Variants in ATXN7 observed in about 807,000 individuals in gnomAD.
ATXN7 encodes ataxin 7, also known as ataxin-7.
In ATXN7, 12 loss-of-function variants were observed where a neutral mutation model predicts 70.5. The ratio of observed to expected loss-of-function variants is 0.17; its 90% CI spans 0.11 to 0.28. ATXN7 has a LOEUF of 0.28. Among genes scored for constraint, ATXN7 ranks in the 10% least tolerant of loss-of-function variants. ATXN7 has a pLI of 1.00. For missense variants in ATXN7, 1,256 were observed against 1,131.7 expected (o/e 1.11, Z -1.58); for synonymous variants, 498 against 448.7 (o/e 1.11, Z -1.39).
At chr3:63,936,025 A>G (rs1474701336) in intron 4 of ATXN7, among the ~76,000 whole-genome samples, 4 of 152,244 alleles carry the variant, frequency 2.6e-5, no homozygotes, top group Non-Finnish European at 5.9e-5. Context: ...GTTTTGAAAT[A>G]TGCTTGGAGT....
At chr3:63,952,835 CTTTTTTTTTTTTTT>C (rs59256288) in intron 5 of ATXN7, among the ~76,000 whole-genome samples, 41 of 49,154 alleles carry the variant, frequency 8.3e-4, no homozygotes, top group Middle Eastern at 0.014. Context: ...ATGCATGGGC[CTTTTTTTTTTTTTT>C]TTTTTTTTTT....
intron 4 of ATXN7, among the ~76,000 whole-genome samples, chr3:63,918,939 G>C (rs539434949): frequency 6.6e-6 from 1 of 152,082 alleles, no homozygotes; most frequent in African/African-American, 2.4e-5. Context: ...CAGCGTGGCC[G>C]TGACAGTGGG....
At chr3:63,921,858 T>C (rs1332570491) in intron 4 of ATXN7, among the ~76,000 whole-genome samples, 1 of 152,140 alleles carries the variant, frequency 6.6e-6, no homozygotes, top group Non-Finnish European at 1.5e-5. Context: ...TTATCAGTAA[T>C]GAAAGCACAG....
intron 9 of ATXN7, 56 bp from the exon 10 acceptor site, chr3:63,990,120 G>C (rs1186333421): frequency 1.9e-6 from 3 of 1,552,392 alleles, no homozygotes; most frequent in Non-Finnish European, 2.7e-6. Flanking sequence ...TCTCAGTTAA[G>C]GTGGCTGATT....
chr3:63,957,129 T>A (rs1169645454), intron 5 of ATXN7, among the ~76,000 whole-genome samples: 1 of 152,224 alleles, frequency 6.6e-6, no homozygotes, highest in Non-Finnish European at 1.5e-5. Context: ...AATTCCTATT[T>A]TGTGCTCTGC....
At position 63,995,985 on chromosome 3, in the gene ATXN7, T is replaced by TTCCTCCTCCTCC. The variant is rs750825743; in HGVS notation, c.2166_2177dup (p.Ser725_Ser728dup). The stretch of plus-strand genomic sequence containing the variant: ...TGTTGGTTCACTCTTCCTCCTCCTC[T>TTCCTCCTCCTCC]TCCTCCTCCTCCTCTTCTTCTCATT... On this transcript the variant is annotated inframe_insertion, in exon 12 of 13. Transcript: ENST00000674280. 8.1e-6 allele frequency: 13 copies of TTCCTCCTCCTCC among 1,613,840 alleles called. No individual in the cohort carries two copies. The highest frequency in any genetic ancestry group is 1.6e-4 in the Middle Eastern group (1 of 6,082).
chr3:63,895,973 C>G (rs1267755876), intron 1 of ATXN7, among the ~76,000 whole-genome samples: 1 of 152,164 alleles, frequency 6.6e-6, no homozygotes, highest in Non-Finnish European at 1.5e-5. Context: ...CTCCACCAAA[C>G]TAGACCCTCT....
chr3:63,888,198 A>G (rs1307068880), intron 1 of ATXN7, among the ~76,000 whole-genome samples: 1 of 152,154 alleles, frequency 6.6e-6, no homozygotes, highest in African/African-American at 2.4e-5. Context: ...ATATGAATTG[A>G]ATAGATTATT....
At chr3:63,998,033 T>C in intron 12 of ATXN7, 10 of 985,380 alleles carry the variant, frequency 1.0e-5, no homozygotes, top group Non-Finnish European at 1.2e-5. Context: ...ACAGAAGACA[T>C]GGTGTGCCGA....
chr3:63,959,337 C>T (rs966537852), intron 5 of ATXN7, among the ~76,000 whole-genome samples: 1 of 152,088 alleles, frequency 6.6e-6, no homozygotes, highest in African/African-American at 2.4e-5. Flanking sequence ...AGGTCTTTCT[C>T]CAGCAGTCGG....
chr3:63,939,910 T>A (rs1343481565), intron 4 of ATXN7, among the ~76,000 whole-genome samples: 1 of 152,098 alleles, frequency 6.6e-6, no homozygotes, highest in African/African-American at 2.4e-5. Flanking sequence ...TTCTCAGGAC[T>A]TGTCTTTATT....
chr3:63,963,758 A>G lies in ATXN7; in HGVS notation c.499+11275A>G, dbSNP rs555213754. ...TGTAGCTTCCTCTGCCAGGCCCTCT[A>G]TGGACATTCATTTTGTTTCTTGCTT... On this transcript the variant is annotated intron_variant, in intron 5 of 12. Transcript: ENST00000674280. Among the ~76,000 whole-genome samples, 4 of 152,214 alleles carry G rather than the reference A, an allele frequency of 2.6e-5. No individual in the cohort carries two copies. In the East Asian group the frequency reaches 5.8e-4, roughly 22 times the overall value.
chr3:63,981,999 C>T (rs926275906), intron 6 of ATXN7, among the ~76,000 whole-genome samples, 187 bp from the exon 7 acceptor site: 1 of 152,258 alleles, frequency 6.6e-6, no homozygotes. Flanking sequence ...TTTTGCCTCA[C>T]CAGAAGGGCT....
At chr3:63,983,370 A>C (rs2075520667) in intron 8 of ATXN7, among the ~76,000 whole-genome samples, 1 of 152,250 alleles carries the variant, frequency 6.6e-6, no homozygotes, top group Non-Finnish European at 1.5e-5. Flanking sequence ...AAGCAAGTGC[A>C]GAAATTTCCC....
chr3:63,980,105 G>C lies in ATXN7; in HGVS notation c.690G>C (p.Gln230His), dbSNP rs368647643. ...TGAAATCACCCAAAGAGAAACTGCA[G>C]CTCAGGGGGAACACCAGGCCAATGC... The part of the protein sequence containing the change: ...KLLKSPKEKL[Q>H]LRGNTRPMHP... The change falls in exon 6 of 13, where the codon CAG (glutamine) becomes CAC (histidine). Residue 230 changes from glutamine to histidine, a missense_variant. By Grantham distance (24) the Gln-to-His change is conservative (BLOSUM62 0). Coordinates refer to ENST00000674280, the MANE Select transcript of ATXN7 (RefSeq NM_001377405.1). 6.0e-5 allele frequency: 97 copies of C among 1,614,064 alleles called. No homozygotes were observed. Among genetic ancestry groups the C allele is most frequent in the Middle Eastern group, 4.9e-4 (3 of 6,084 alleles).
chr3:63,871,064 A>T (rs950568948), intron 1 of ATXN7, among the ~76,000 whole-genome samples: 3 of 151,962 alleles, frequency 2.0e-5, no homozygotes, highest in African/African-American at 7.3e-5. Flanking sequence ...GCTCTAACTG[A>T]TTGGTTTATT....
intron 5 of ATXN7, among the ~76,000 whole-genome samples, chr3:63,973,690 C>T (rs551617472): frequency 6.4e-4 from 97 of 151,992 alleles, no homozygotes; most frequent in Non-Finnish European, 9.3e-4. Flanking sequence ...AATGAGGATA[C>T]GTGGAACATT....
chr3:63,917,497 A>T (rs1002039472), intron 4 of ATXN7, among the ~76,000 whole-genome samples: 1 of 152,234 alleles, frequency 6.6e-6, no homozygotes, highest in East Asian at 1.9e-4. Context: ...AGCAGATTTT[A>T]AAACCTATAT....
intron 1 of ATXN7, among the ~76,000 whole-genome samples, chr3:63,889,131 C>T (rs929131742): frequency 7.2e-5 from 11 of 151,956 alleles, no homozygotes; most frequent in Admixed American, 5.2e-4. Context: ...TCGAATATGC[C>T]GACGTAATAG....
Sources: gnomAD v4.1 joint callset for allele counts (sites outside exome capture counted in the v4.1 genomes callset) on GRCh38, gnomAD v4.1.1 for gene constraint, MANE v1.5 for transcripts, NCBI Gene and HGNC (gene_info 2026-07-23, HGNC 2026-07-21) for gene names.